Variants in DKK2 observed in about 807,000 individuals in gnomAD.
DKK2 encodes dickkopf-related protein 2.
In DKK2, 11 loss-of-function variants were observed where a neutral mutation model predicts 28.1. The observed-to-expected ratio is 0.39, with a 90% confidence interval of 0.25 to 0.65. The LOEUF is 0.65. Among genes scored for constraint, DKK2 ranks in the 30% least tolerant of loss-of-function variants. The probability of loss-of-function intolerance (pLI) is 0.47; values close to 1 mark genes in which losing one functional copy is unlikely to be tolerated. For synonymous variants in DKK2, 135 were observed against 126.5 expected, an observed-to-expected ratio of 1.07 and a Z score of -0.45; for missense variants, 326 against 335.5, an observed-to-expected ratio of 0.97 and a Z score of 0.22.
chr4:106,951,546 C>A (rs1282693569), intron 1 of DKK2, among the ~76,000 whole-genome samples: 2 of 152,006 alleles, frequency 1.3e-5, no homozygotes, highest in African/African-American at 4.8e-5. Context: ...GAACTGGAAG[C>A]CTTTATGTTA....
At chr4:106,935,257 C>A (rs546356446) in intron 1 of DKK2, among the ~76,000 whole-genome samples, 1 of 152,032 alleles carries the variant, frequency 6.6e-6, no homozygotes. Context: ...AGTGGGTGCG[C>A]GCACCGTGTG....
At chr4:107,003,302 T>C (rs1243990857) in intron 1 of DKK2, among the ~76,000 whole-genome samples, 1 of 152,240 alleles carries the variant, frequency 6.6e-6, no homozygotes, top group East Asian at 1.9e-4. Context: ...CCAGGTCAGA[T>C]GACCGATCTG....
In DKK2 at chr4:106,922,450, A is replaced by G. The variant is rs1292008972; in HGVS notation, c.*1504T>C. ...AGAATTTAGAAACTGTGGTGTCTAT[A>G]GATTAGCAATATGCAGGTTTTACAA... On this transcript the variant is annotated 3_prime_UTR_variant, in exon 4 of 4. Transcript: ENST00000285311. 1.3e-5 allele frequency: 2 copies of G among 152,366 alleles called. No individual in the cohort carries two copies. The highest frequency in any genetic ancestry group is 3.9e-4 in the East Asian group (2 of 5,190). 9.4% of individuals were successfully genotyped at this position (152,366 alleles called of 1,614,324 possible). A position where few individuals can be genotyped will look rare whatever the true frequency, so the allele number is the denominator to read the frequency against.
chr4:107,016,322 G>A (rs1191150629), intron 1 of DKK2, among the ~76,000 whole-genome samples: 1 of 151,910 alleles, frequency 6.6e-6, no homozygotes, highest in Non-Finnish European at 1.5e-5. Context: ...TATTGTTATA[G>A]AGCAAGTTTA....
intron 1 of DKK2, among the ~76,000 whole-genome samples, chr4:106,973,910 G>T (rs959993481): frequency 6.6e-6 from 1 of 152,142 alleles, no homozygotes; most frequent in Non-Finnish European, 1.5e-5. Context: ...GTTAATTTTT[G>T]TATAAGGTGT....
intron 1 of DKK2, among the ~76,000 whole-genome samples, chr4:106,993,204 T>C (rs988446510): frequency 1.3e-5 from 2 of 152,206 alleles, no homozygotes; most frequent in East Asian, 1.9e-4. Flanking sequence ...GTGACTATAT[T>C]GCCTTGGACA....
chr4:106,986,365 C>T (rs1399783624), intron 1 of DKK2, among the ~76,000 whole-genome samples: 9 of 152,050 alleles, frequency 5.9e-5, no homozygotes, highest in Admixed American at 4.6e-4. Flanking sequence ...CTTGCTTTGA[C>T]GGGGCTAATT....
chr4:106,985,880 G>A (rs1262665381), intron 1 of DKK2, among the ~76,000 whole-genome samples: 1 of 151,258 alleles, frequency 6.6e-6, no homozygotes, highest in Non-Finnish European at 1.5e-5. Context: ...GAAGGAGGGA[G>A]AGAAGAAAGG....
rs571284842 is a variant in DKK2 at position 106,991,734 on chromosome 4, A to G, written c.222+43636T>C. ...ACACATACATGCACACACACAAAAA[A>G]CAGGCATGCATGTATACACACCAAA... On this transcript the variant is annotated intron_variant, in intron 1 of 3. Coordinates refer to ENST00000285311, the MANE Select transcript of DKK2 (RefSeq NM_014421.3). Among the ~76,000 whole-genome samples the G allele has an allele frequency of 4.6e-5, 7 of 152,270 alleles. 1 individual carries two copies. The South Asian group carries it at 1.0e-3, about 23-fold the overall frequency.
chr4:106,943,366 A>G (rs2110344399), intron 1 of DKK2, among the ~76,000 whole-genome samples: 1 of 152,234 alleles, frequency 6.6e-6, no homozygotes, highest in East Asian at 1.9e-4. Context: ...TTATCCACTA[A>G]TGAATTAATG....
chr4:107,002,683 A>G (rs1003386844), intron 1 of DKK2, among the ~76,000 whole-genome samples: 24 of 152,216 alleles, frequency 1.6e-4, no homozygotes, highest in African/African-American at 4.8e-4. Flanking sequence ...CTGAAAATAA[A>G]TGTTATTATA....
chr4:106,934,087 A>G (rs1724543716), intron 1 of DKK2, among the ~76,000 whole-genome samples: 1 of 151,678 alleles, frequency 6.6e-6, no homozygotes, highest in Non-Finnish European at 1.5e-5. Flanking sequence ...ACACACACAC[A>G]TATGTATGTA....
rs1025629190 is a variant in DKK2 at position 106,923,492 on chromosome 4, G to T, written c.*462C>A. 1 of 153,548 alleles carries T rather than the reference G, an allele frequency of 6.5e-6. No homozygotes were observed. Among genetic ancestry groups the T allele is most frequent in the Non-Finnish European group, 1.5e-5 (1 of 68,938 alleles). The allele number at this position is 153,548 out of a possible 1,614,324, so 9.5% of individuals were successfully genotyped here. ...GCTCCATGTTTTCATTTCTTGTTTA[G>T]CAATTTTATTTTTAGAACCTATTGT... On this transcript the variant is annotated 3_prime_UTR_variant, in exon 4 of 4. Transcript: ENST00000285311.
intron 1 of DKK2, among the ~76,000 whole-genome samples, chr4:106,977,508 A>G (rs13118352): frequency 6.6e-6 from 1 of 151,802 alleles, no homozygotes; most frequent in Non-Finnish European, 1.5e-5. Context: ...ATCTCTGATA[A>G]CCTTTCTTCC....
intron 1 of DKK2, among the ~76,000 whole-genome samples, chr4:107,020,917 C>A (rs962059432): frequency 6.6e-6 from 1 of 151,896 alleles, no homozygotes; most frequent in Non-Finnish European, 1.5e-5. Context: ...GGAGAACATA[C>A]CACTGACCTA....
chr4:106,968,079 G>A (rs1167751603), intron 1 of DKK2, among the ~76,000 whole-genome samples: 2 of 150,326 alleles, frequency 1.3e-5, no homozygotes, highest in Non-Finnish European at 3.0e-5. Context: ...GGAGAGAAAG[G>A]AAGGGAAAAG....
At chr4:106,951,249 C>T (rs116566622) in intron 1 of DKK2, among the ~76,000 whole-genome samples, 2 of 151,872 alleles carry the variant, frequency 1.3e-5, no homozygotes, top group Non-Finnish European at 2.9e-5. Flanking sequence ...ATTCATACAA[C>T]CTCTATGGAA....
intron 1 of DKK2, among the ~76,000 whole-genome samples, chr4:107,033,987 C>A (rs1723919350): frequency 6.6e-6 from 1 of 152,006 alleles, no homozygotes; most frequent in Non-Finnish European, 1.5e-5. Context: ...TTCCTGAGAC[C>A]TTAAAAAAAA....
chr4:106,926,851 A>C (rs1724432206), intron 1 of DKK2, among the ~76,000 whole-genome samples: 1 of 152,184 alleles, frequency 6.6e-6, no homozygotes, highest in South Asian at 2.1e-4. Flanking sequence ...TTATACATAC[A>C]TATATACCCA....
Sources: gnomAD v4.1 joint callset for allele counts (sites outside exome capture counted in the v4.1 genomes callset) on GRCh38, gnomAD v4.1.1 for gene constraint, MANE v1.5 for transcripts, NCBI Gene and HGNC (gene_info 2026-07-23, HGNC 2026-07-21) for gene names.